The following RSPO4 variants were observed in gnomAD, a reference collection of about 807,000 sequenced individuals.
RSPO4 encodes the protein R-spondin-4.
In RSPO4, 23 loss-of-function variants were observed where a neutral mutation model predicts 24.8. The observed-to-expected ratio is 0.93, with a 90% confidence interval of 0.67 to 1.31. The LOEUF (loss-of-function observed/expected upper bound fraction) is 1.31, where lower values mean the gene tolerates loss of function less well. Ranked by LOEUF, RSPO4 falls within the 40% of genes most tolerant of loss-of-function variation. RSPO4 has a pLI of 0.00. For missense variants in RSPO4, 333 were observed against 316.5 expected, an observed-to-expected ratio of 1.05 and a Z score of -0.39; for synonymous variants, 141 against 127.4, an observed-to-expected ratio of 1.11 and a Z score of -0.72.
rs371117450 is a variant in RSPO4, at chr20:986,308, C to T, written c.79+15778G>A. 1.5e-3 allele frequency among the ~76,000 whole-genome samples: 225 copies of T among 152,192 alleles called. 1 individual carries two copies. The highest frequency in any genetic ancestry group is 4.7e-3 in the African/African-American group (196 of 41,530). ...TGATGGCCCCAGAGTTTTCTAACAC[C>T]GGGAATTGTGGAGGCCACAGCAGCA... On this transcript the variant is annotated intron_variant, in intron 1 of 4. Coordinates refer to ENST00000217260, the MANE Select transcript of RSPO4 (RefSeq NM_001029871.4).
chr20:966,915 C>T (rs1984221378), intron 3 of RSPO4, among the ~76,000 whole-genome samples: 1 of 152,236 alleles, frequency 6.6e-6, no homozygotes, highest in African/African-American at 2.4e-5. Flanking sequence ...TTCTTCTGCA[C>T]TCTGCTGATT....
At chr20:983,209 T>C (rs951103084) in intron 1 of RSPO4, among the ~76,000 whole-genome samples, 7 of 152,228 alleles carry the variant, frequency 4.6e-5, no homozygotes, top group African/African-American at 1.7e-4. Context: ...TTTGCTCCTG[T>C]CCCACCTTGG....
chr20:982,548 C>T (rs1033448403), intron 1 of RSPO4, among the ~76,000 whole-genome samples: 3 of 152,186 alleles, frequency 2.0e-5, no homozygotes, highest in South Asian at 2.1e-4. Flanking sequence ...GTAATAACAG[C>T]GCCCGGCACC....
chr20:987,612 C>A (rs149719554), intron 1 of RSPO4, among the ~76,000 whole-genome samples: 1 of 151,760 alleles, frequency 6.6e-6, no homozygotes, highest in Non-Finnish European at 1.5e-5. Flanking sequence ...ATAGTGAGAC[C>A]CTTATCTCTA....
intron 1 of RSPO4, among the ~76,000 whole-genome samples, chr20:1,001,418 G>A (rs1035921202): frequency 6.6e-6 from 1 of 152,182 alleles, no homozygotes; most frequent in Non-Finnish European, 1.5e-5. Context: ...GAGCGCATGC[G>A]GCCCCTGGTA....
chr20:991,542 T>C (rs913312268), intron 1 of RSPO4, among the ~76,000 whole-genome samples: 3 of 151,638 alleles, frequency 2.0e-5, no homozygotes, highest in African/African-American at 7.3e-5. Flanking sequence ...AAAATAAAAA[T>C]AAAATGTTTA....
chr20:964,046 C>T lies in RSPO4; in HGVS notation c.484G>A (p.Gly162Ser), dbSNP rs1373286210. ...HNGKTCGSAWGLESRVREAGR... is the reference protein window; with the variant it reads ...HNGKTCGSAWSLESRVREAGR... ...GCCTCTCGTACCCGGCTCTCCAGGC[C>T]CCAAGCCGAGCCGCAGGTCTTTCCA... Residue 162 changes from glycine to serine, a missense_variant, in exon 4 of 5, where the codon GGC (glycine) becomes AGC (serine). Physicochemically the swap from Gly to Ser is moderately conservative, Grantham distance 56 (BLOSUM62 0). Transcript: ENST00000217260. 5.6e-6 allele frequency: 9 copies of T among 1,613,744 alleles called. No homozygotes were observed. The highest frequency in any genetic ancestry group is 1.1e-5 in the South Asian group (1 of 91,076).
intron 1 of RSPO4, among the ~76,000 whole-genome samples, chr20:978,969 G>C: frequency 6.6e-6 from 1 of 152,034 alleles, no homozygotes; most frequent in East Asian, 1.9e-4. Context: ...ATCCAAAATG[G>C]AAACTTTTCA....
At chr20:972,472 C>T (rs62187527) in intron 1 of RSPO4, among the ~76,000 whole-genome samples, 5,189 of 152,324 alleles carry the variant, frequency 0.034, 135 homozygotes, top group South Asian at 0.057. Flanking sequence ...GGGATATGAG[C>T]GGGCATGCCC....
At chr20:963,567 A>T (rs1196005247) in intron 4 of RSPO4, among the ~76,000 whole-genome samples, 2 of 151,916 alleles carry the variant, frequency 1.3e-5, no homozygotes, top group Admixed American at 6.6e-5. Context: ...TCTATATTAC[A>T]GTTAGGACAC....
intron 1 of RSPO4, among the ~76,000 whole-genome samples, chr20:973,130 C>T (rs1243699659): frequency 1.3e-5 from 2 of 152,134 alleles, no homozygotes; most frequent in Non-Finnish European, 2.9e-5. Flanking sequence ...GAGCATCTGT[C>T]CAGGGCCTCC....
At chr20:967,368 C>T in intron 2 of RSPO4, 54 bp from the exon 3 acceptor site, 1 of 1,602,634 alleles carries the variant, frequency 6.2e-7, no homozygotes, top group Non-Finnish European at 8.5e-7. Context: ...GGATGGGGCC[C>T]ACTGGGTCTG....
chr20:968,177 G>A, intron 1 of RSPO4, 39 bp from the exon 2 acceptor site: 1 of 1,589,308 alleles, frequency 6.3e-7, no homozygotes, highest in Non-Finnish European at 8.6e-7. Context: ...GGGAAAGGGA[G>A]AGAGAGATGG....
At chr20:975,862 C>T (rs1984547490) in intron 1 of RSPO4, among the ~76,000 whole-genome samples, 1 of 152,164 alleles carries the variant, frequency 6.6e-6, no homozygotes, top group African/African-American at 2.4e-5. Flanking sequence ...TAATGCTTAT[C>T]TTGCAGGGCT....
At chr20:974,840 G>T (rs1984513197) in intron 1 of RSPO4, among the ~76,000 whole-genome samples, 1 of 152,152 alleles carries the variant, frequency 6.6e-6, no homozygotes, top group Non-Finnish European at 1.5e-5. Flanking sequence ...GATCCACCCT[G>T]GGGATCCATA....
chr20:982,038 G>A (rs1387044263), intron 1 of RSPO4, among the ~76,000 whole-genome samples: 1 of 152,212 alleles, frequency 6.6e-6, no homozygotes, highest in Non-Finnish European at 1.5e-5. Context: ...GAGCAGCCCA[G>A]AGCAACCACT....
chr20:986,024 A>G (rs1984909521), intron 1 of RSPO4, among the ~76,000 whole-genome samples: 1 of 152,238 alleles, frequency 6.6e-6, no homozygotes, highest in Non-Finnish European at 1.5e-5. Context: ...AATTTCCTAT[A>G]TTTGGTCAAG....
chr20:977,853 C>T (rs1279383651), intron 1 of RSPO4, among the ~76,000 whole-genome samples: 2 of 152,016 alleles, frequency 1.3e-5, no homozygotes, highest in Admixed American at 6.5e-5. Flanking sequence ...CTGGGCAGCG[C>T]ATCCTCCGAT....
chr20:972,362 G>A (rs539277984), intron 1 of RSPO4, among the ~76,000 whole-genome samples: 34 of 152,330 alleles, frequency 2.2e-4, no homozygotes, highest in Admixed American at 2.0e-3. Context: ...CACAGCGCCC[G>A]GCTGGAACCC....
Sources: allele counts gnomAD v4.1 joint callset (sites outside exome capture counted in the v4.1 genomes callset), GRCh38; gene constraint gnomAD v4.1.1; transcripts MANE v1.5; gene names NCBI Gene and HGNC (gene_info 2026-07-23, HGNC 2026-07-21).